TMEM196: variants seen among roughly 807,000 people sequenced by gnomAD.
TMEM196 encodes transmembrane protein 196.
In TMEM196, 17 loss-of-function variants were observed where a neutral mutation model predicts 20.0. That is an observed-to-expected ratio of 0.85 (90% CI 0.58 to 1.27). The LOEUF (loss-of-function observed/expected upper bound fraction) is 1.27, where lower values mean the gene tolerates loss of function less well. Ranked by LOEUF, TMEM196 falls within the 50% of genes most tolerant of loss-of-function variation. The pLI is 0.00. For missense variants in TMEM196, 267 were observed against 223.0 expected (o/e 1.20, Z -1.26); for synonymous variants, 113 against 88.9 (o/e 1.27, Z -1.52).
At chr7:19,771,886 C>A (rs1785895108) in intron 1 of TMEM196, among the ~76,000 whole-genome samples, 1 of 152,154 alleles carries the variant, frequency 6.6e-6, no homozygotes, top group African/African-American at 2.4e-5. Flanking sequence ...ACACGTCTTA[C>A]CATCTGATGT....
At chr7:19,747,295 A>G (rs867882937) in intron 1 of TMEM196, among the ~76,000 whole-genome samples, 1 of 151,550 alleles carries the variant, frequency 6.6e-6, no homozygotes, top group Non-Finnish European at 1.5e-5. Flanking sequence ...ATAAAAAATA[A>G]AAATAAAAAA....
At chr7:19,749,041 T>C (rs1441702929) in intron 1 of TMEM196, among the ~76,000 whole-genome samples, 4 of 152,196 alleles carry the variant, frequency 2.6e-5, no homozygotes, top group Non-Finnish European at 5.9e-5. Context: ...GGCAGGATTA[T>C]TGGCAATTTT....
At chr7:19,761,406 C>T (rs190262960) in intron 1 of TMEM196, among the ~76,000 whole-genome samples, 2 of 152,158 alleles carry the variant, frequency 1.3e-5, no homozygotes, top group South Asian at 2.1e-4. Flanking sequence ...AAAATTTCAC[C>T]ATCAGTTTAA....
intron 1 of TMEM196, among the ~76,000 whole-genome samples, chr7:19,755,712 C>T (rs1331051020): frequency 1.3e-5 from 2 of 152,086 alleles, no homozygotes; most frequent in East Asian, 1.9e-4. Flanking sequence ...AGACTTTCCT[C>T]ATCTATTGTT....
intron 1 of TMEM196, among the ~76,000 whole-genome samples, chr7:19,758,561 C>A (rs1205873406): frequency 6.6e-6 from 1 of 152,126 alleles, no homozygotes; most frequent in Non-Finnish European, 1.5e-5. Context: ...CTACAGCTAG[C>A]CAGCTATGCT....
chr7:19,728,847 A>T (rs902583070), intron 2 of TMEM196, among the ~76,000 whole-genome samples: 2 of 152,238 alleles, frequency 1.3e-5, no homozygotes, highest in East Asian at 3.8e-4. Context: ...TAGTACCATA[A>T]AACATCTGAA....
chr7:19,722,238 G>T, intron 4 of TMEM196, 104 bp from the exon 5 acceptor site: 1 of 967,908 alleles, frequency 1.0e-6, no homozygotes, highest in Non-Finnish European at 1.6e-6. Flanking sequence ...TGAAAAACTT[G>T]CTAAGTTTTG....
rs143529661 is a variant in TMEM196 at position 19,754,019 on chromosome 7, G to A, written c.147+18531C>T. Among the ~76,000 whole-genome samples, 378 of 152,280 alleles carry A rather than the reference G, an allele frequency of 2.5e-3. 3 individuals are homozygous for A. Among genetic ancestry groups the A allele is most frequent in the Non-Finnish European group, 4.5e-3 (306 of 68,028 alleles). ...ATTTGCATACACTTTATTGTGTATTGAACTATATTTATGTGGATTGAGTAG... is the reference window on the plus strand; with the variant it reads ...ATTTGCATACACTTTATTGTGTATTAAACTATATTTATGTGGATTGAGTAG... On this transcript the variant is annotated intron_variant, in intron 1 of 4. Transcript: ENST00000405844.
intron 2 of TMEM196, among the ~76,000 whole-genome samples, chr7:19,727,656 A>T (rs1784047725): frequency 1.3e-5 from 2 of 152,168 alleles, no homozygotes; most frequent in Non-Finnish European, 2.9e-5. Flanking sequence ...ATTCTCTGAA[A>T]ATACGGAAAG....
At chr7:19,722,583 C>T (rs1015110976) in intron 4 of TMEM196, among the ~76,000 whole-genome samples, 10 of 152,152 alleles carry the variant, frequency 6.6e-5, no homozygotes, top group Middle Eastern at 3.4e-3. Context: ...AAAAGGCCTA[C>T]GAGGGCATCA....
rs189192717 is a variant in TMEM196 at position 19,744,796 on chromosome 7, C to A, written c.148-15358G>T. Reference sequence around the variant, plus strand: ...TTTTTTCAAAAGTTTGTAACACTGACTACCTGAGTTCTCTCTCCCAATATT... The same window carrying A: ...TTTTTTCAAAAGTTTGTAACACTGAATACCTGAGTTCTCTCTCCCAATATT... On this transcript the variant is annotated intron_variant, in intron 1 of 4. Transcript: ENST00000405844. 2.3e-3 allele frequency among the ~76,000 whole-genome samples: 348 copies of A among 152,242 alleles called. 4 individuals carry two copies. Among genetic ancestry groups the A allele is most frequent in the African/African-American group, 7.9e-3 (330 of 41,544 alleles).
intron 1 of TMEM196, among the ~76,000 whole-genome samples, chr7:19,737,362 A>G (rs773639089): frequency 1.3e-5 from 2 of 152,050 alleles, no homozygotes; most frequent in Non-Finnish European, 2.9e-5. Flanking sequence ...TTTGCTACAT[A>G]TAGGAATAGA....
At chr7:19,751,162 C>T (rs553174396) in intron 1 of TMEM196, among the ~76,000 whole-genome samples, 55 of 152,198 alleles carry the variant, frequency 3.6e-4, no homozygotes, top group African/African-American at 1.3e-3. Flanking sequence ...AATTCCTCTC[C>T]CTTGACAAGA....
chr7:19,756,432 T>C (rs1313041245), intron 1 of TMEM196, among the ~76,000 whole-genome samples: 1 of 152,046 alleles, frequency 6.6e-6, no homozygotes, highest in Non-Finnish European at 1.5e-5. Context: ...TAAACTTGTG[T>C]CATGGTGGTT....
intron 2 of TMEM196, 70 bp downstream of exon 2, chr7:19,729,312 C>T (rs1784113132): frequency 2.2e-6 from 3 of 1,351,172 alleles, no homozygotes; most frequent in African/African-American, 1.5e-5. Context: ...GCTGGCTAGC[C>T]ATCATTTCTA....
At chr7:19,744,660 T>A (rs1784691160) in intron 1 of TMEM196, among the ~76,000 whole-genome samples, 1 of 152,150 alleles carries the variant, frequency 6.6e-6, no homozygotes, top group South Asian at 2.1e-4. Context: ...AACGATGAAA[T>A]TTACCCTCAT....
intron 1 of TMEM196, among the ~76,000 whole-genome samples, chr7:19,737,155 G>T (rs943039051): frequency 6.6e-6 from 1 of 152,012 alleles, no homozygotes; most frequent in East Asian, 1.9e-4. Flanking sequence ...ATGGGTGAAA[G>T]ATCTGAACAG....
chr7:19,727,334 T>C (rs949630921), intron 2 of TMEM196, among the ~76,000 whole-genome samples: 1 of 152,190 alleles, frequency 6.6e-6, no homozygotes, highest in Admixed American at 6.5e-5. Context: ...GCCAAGATTT[T>C]TGGAGAAGGC....
intron 1 of TMEM196, among the ~76,000 whole-genome samples, chr7:19,737,273 G>A (rs796180917): frequency 2.6e-5 from 4 of 151,836 alleles, no homozygotes; most frequent in African/African-American, 9.7e-5. Context: ...ATACCAAGAC[G>A]AATCTGTTAG....
Sources: gnomAD v4.1 joint callset for allele counts (sites outside exome capture counted in the v4.1 genomes callset) on GRCh38, gnomAD v4.1.1 for gene constraint, MANE v1.5 for transcripts, NCBI Gene and HGNC (gene_info 2026-07-23, HGNC 2026-07-21) for gene names.